The following MBP variants were observed in gnomAD, a reference collection of about 807,000 sequenced individuals.
MBP encodes the protein myelin basic protein, also known as Golli-MBP.
In MBP, 16 loss-of-function variants were observed where a neutral mutation model predicts 35.8. The observed-to-expected ratio is 0.45, with a 90% CI of 0.30 to 0.68. MBP has a LOEUF of 0.68. Among genes scored for constraint, MBP ranks in the 30% least tolerant of loss-of-function variants. MBP has a pLI of 0.08. For missense variants in MBP, 380 were observed against 404.7 expected, an observed-to-expected ratio of 0.94 and a Z score of 0.52; for synonymous variants, 143 against 159.6, an observed-to-expected ratio of 0.90 and a Z score of 0.78.
intron 3 of MBP, among the ~76,000 whole-genome samples, chr18:77,050,887 G>C (rs1303946135): frequency 6.6e-5 from 10 of 152,118 alleles, no homozygotes; most frequent in Non-Finnish European, 1.5e-5. Flanking sequence ...ATCATCTCAA[G>C]GGAAACCTCC....
chr18:77,069,462 G>A (rs140350616), intron 2 of MBP, among the ~76,000 whole-genome samples: 65 of 152,262 alleles, frequency 4.3e-4, no homozygotes, highest in Non-Finnish European at 4.4e-4. Flanking sequence ...AGCTACCGTC[G>A]TTATTGATCA....
chr18:76,980,194 T>C lies in MBP; in HGVS notation c.*233A>G, dbSNP rs996017531. 1 of 636,770 alleles carries C rather than the reference T, an allele frequency of 1.6e-6. No homozygotes were observed. Among genetic ancestry groups the C allele is most frequent in the Non-Finnish European group, 2.8e-6 (1 of 355,650 alleles). 39.4% of individuals were successfully genotyped at this position (636,770 alleles called of 1,614,324 possible). Reference sequence around the variant, plus strand: ...GCACATTGCGGGGGAAGGAACGTGATCTTCACACAGAAAGGGACAGTTTTA... The same window carrying C: ...GCACATTGCGGGGGAAGGAACGTGACCTTCACACAGAAAGGGACAGTTTTA... On this transcript the variant is annotated 3_prime_UTR_variant, in exon 9 of 9. Transcript: ENST00000355994.
chr18:77,107,340 C>A (rs1230437172), intron 1 of MBP, among the ~76,000 whole-genome samples: 1 of 152,180 alleles, frequency 6.6e-6, no homozygotes, highest in Non-Finnish European at 1.5e-5. Context: ...CTGGCCCAGG[C>A]ATCATCTCAT....
chr18:77,132,071 C>T (rs1190757673), intron 1 of MBP, among the ~76,000 whole-genome samples: 1 of 152,124 alleles, frequency 6.6e-6, no homozygotes, highest in East Asian at 1.9e-4. Context: ...GGGAGGACCC[C>T]CCAGCCCGCC....
chr18:77,101,683 CCA>C lies in MBP; in HGVS notation c.51+3526_51+3527del, dbSNP rs541868380. Reference sequence around the variant, plus strand: ...CTTTTTTTCACCAATCAGAGACATTCCACAGTTAACCCTTTAGTTAGTTTCTC... The same window carrying C: ...CTTTTTTTCACCAATCAGAGACATTCCAGTTAACCCTTTAGTTAGTTTCTC... On this transcript the variant is annotated intron_variant, in intron 2 of 8. Transcript: ENST00000355994. The surrounding 1 kb of genome is among the most constrained non-coding windows in gnomAD (Gnocchi z 4.3). 6.6e-6 allele frequency among the ~76,000 whole-genome samples: 1 copy of C among 152,210 alleles called. No individual in the cohort carries two copies. The highest frequency in any genetic ancestry group is 1.5e-5 in the Non-Finnish European group (1 of 68,042).
chr18:77,010,075 A>G, intron 4 of MBP: 1 of 629,330 alleles, frequency 1.6e-6, no homozygotes, highest in Non-Finnish European at 2.9e-6. Context: ...GAAGGACGAC[A>G]GGGAGAGAAG....
chr18:77,084,458 C>CACAT (rs1599214170), intron 2 of MBP, among the ~76,000 whole-genome samples: 1 of 151,108 alleles, frequency 6.6e-6, no homozygotes, highest in East Asian at 2.0e-4. Context: ...CACACACACA[C>CACAT]ACACACACAC....
intron 3 of MBP, among the ~76,000 whole-genome samples, chr18:77,065,463 T>C (rs1049889925): frequency 3.3e-5 from 5 of 152,272 alleles, no homozygotes; most frequent in Middle Eastern, 6.8e-3. Context: ...GGGTTAAGCT[T>C]CCAACACACG....
chr18:77,022,647 G>A (rs1314200383), intron 3 of MBP, among the ~76,000 whole-genome samples: 3 of 152,190 alleles, frequency 2.0e-5, no homozygotes. Context: ...TAATGCAAAT[G>A]TGAAAGGAAA....
At chr18:77,027,537 A>G (rs1180644832) in intron 3 of MBP, among the ~76,000 whole-genome samples, 1 of 151,938 alleles carries the variant, frequency 6.6e-6, no homozygotes, top group South Asian at 2.1e-4. Context: ...CTCGGCACAC[A>G]TTCCAGACCC....
chr18:77,019,921 C>A lies in MBP; in HGVS notation c.140-2653G>T, dbSNP rs371579571. On this transcript the variant is annotated intron_variant, in intron 3 of 8. Coordinates refer to ENST00000355994, the MANE Select transcript of MBP (RefSeq NM_001025101.2). ...ATGGCCGGGCTGAGAACCTCCCAGG[C>A]CAGGCAGTAACCTGGGAGGCAGGAG... Among the ~76,000 whole-genome samples, 22 of 152,224 alleles carry A rather than the reference C, an allele frequency of 1.4e-4. No homozygotes were observed. The South Asian group carries it at 4.6e-3, about 32-fold the overall frequency.
intron 4 of MBP, chr18:77,003,487 G>C (rs560433914): frequency 2.3e-4 from 35 of 152,310 alleles, no homozygotes; most frequent in African/African-American, 7.9e-4. Context: ...AGATACCAGA[G>C]AGCTCAGAAG....
intron 7 of MBP, 159 bp from the exon 8 acceptor site, chr18:76,985,053 T>TGGGGGC: frequency 2.0e-6 from 3 of 1,484,422 alleles, no homozygotes; most frequent in Non-Finnish European, 9.1e-7. Flanking sequence ...GCTGAGGGGG[T>TGGGGGC]GGGGGCGGGA....
intron 4 of MBP, chr18:77,013,661 A>G (rs992538167): frequency 3.0e-6 from 3 of 985,320 alleles, no homozygotes; most frequent in African/African-American, 3.5e-5. Context: ...CAGGTTATAA[A>G]TGAAGGTTTT....
chr18:77,114,671 G>GC (rs1447564806), intron 1 of MBP: 1 of 152,316 alleles, frequency 6.6e-6, no homozygotes, highest in Non-Finnish European at 1.5e-5. Context: ...CCTTCGGATG[G>GC]CACGGGGAGG....
rs73968254 is a variant in MBP at position 77,020,252 on chromosome 18, G to T, written c.140-2984C>A. Among the ~76,000 whole-genome samples, 94 of 152,242 alleles carry T rather than the reference G, an allele frequency of 6.2e-4. 1 individual carries two copies. Among genetic ancestry groups the T allele is most frequent in the Middle Eastern group, 3.4e-3 (1 of 294 alleles). Reference sequence around the variant, plus strand: ...GAAAGAAAGGTCTCTGGCCTGGGGTGGGGGAGTGGGGAGAGTGGCTGCAGG... The same window carrying T: ...GAAAGAAAGGTCTCTGGCCTGGGGTTGGGGAGTGGGGAGAGTGGCTGCAGG... On this transcript the variant is annotated intron_variant, in intron 3 of 8. Coordinates refer to ENST00000355994, the MANE Select transcript of MBP (RefSeq NM_001025101.2). This position sits in a 1 kb window ranked among gnomAD's most constrained non-coding sequence, Gnocchi z 4.1.
chr18:76,981,546 C>T lies in MBP; in HGVS notation c.871-1075G>A, dbSNP rs556256978. On this transcript the variant is annotated intron_variant, in intron 8 of 8. Coordinates refer to ENST00000355994, the MANE Select transcript of MBP (RefSeq NM_001025101.2). ...CATACGTAGCATTATAAACAAGCCT[C>T]TATGTTGTGCTTACACAACTCACTC... 5 of 152,318 alleles carry T rather than the reference C, an allele frequency of 3.3e-5. No individual in the cohort carries two copies. The East Asian group carries it at 9.7e-4, about 29-fold the overall frequency. The allele number at this position is 152,318 out of a possible 1,614,324, so 9.4% of individuals were successfully genotyped here.
intron 1 of MBP, among the ~76,000 whole-genome samples, chr18:77,116,650 G>A (rs1170691434): frequency 2.0e-5 from 3 of 152,196 alleles, no homozygotes. Flanking sequence ...GAAAGCCCGA[G>A]TAATGCGTGA....
chr18:77,104,861 C>T (rs1976195121), intron 2 of MBP, among the ~76,000 whole-genome samples: 1 of 152,130 alleles, frequency 6.6e-6, no homozygotes, highest in South Asian at 2.1e-4. Context: ...GCTGCTTCGT[C>T]TTCCTCTCCT....
Sources: allele counts gnomAD v4.1 joint callset (sites outside exome capture counted in the v4.1 genomes callset), GRCh38; gene constraint gnomAD v4.1.1; non-coding constraint Gnocchi (gnomAD v3.1); transcripts MANE v1.5; gene names NCBI Gene and HGNC (gene_info 2026-07-23, HGNC 2026-07-21).